Variants in DMD observed in about 807,000 individuals in gnomAD.
DMD encodes mutant dystrophin.
In DMD, 63 loss-of-function variants were observed where a neutral mutation model predicts 330.1. That is an observed-to-expected ratio of 0.19 (90% confidence interval 0.16 to 0.24). DMD has a LOEUF of 0.24. DMD is among the 10% of genes least tolerant of loss of function. The probability of loss-of-function intolerance (pLI) is 1.00; values close to 1 mark genes in which losing one functional copy is unlikely to be tolerated. For synonymous variants in DMD, 1,223 were observed against 959.8 expected, an observed-to-expected ratio of 1.27 and a Z score of -5.07; for missense variants, 3,344 against 2,684.1, an observed-to-expected ratio of 1.25 and a Z score of -5.43.
intron 27 of DMD, among the ~76,000 whole-genome samples, chrX:32,443,860 T>A (rs955083155): frequency 1.8e-5 from 2 of 111,538 alleles, no homozygotes; most frequent in Non-Finnish European, 3.8e-5. Context: ...CTGTTCAAAA[T>A]AGTAGATGGA....
intron 2 of DMD, among the ~76,000 whole-genome samples, chrX:32,876,386 T>C (rs1198874983): frequency 8.9e-6 from 1 of 112,239 alleles, no homozygotes; most frequent in Non-Finnish European, 1.9e-5. Context: ...GTTATTTTCC[T>C]AAACCGTTCT....
At chrX:32,800,377 TA>T (rs200111380) in intron 7 of DMD, among the ~76,000 whole-genome samples, 1,345 of 111,553 alleles carry the variant, frequency 0.012, 16 homozygotes, top group African/African-American at 0.042. Context: ...TAAAAATTCT[TA>T]TGAGTTATTA....
chrX:31,991,070 G>A (rs950009441), intron 44 of DMD, among the ~76,000 whole-genome samples: 2 of 111,508 alleles, frequency 1.8e-5, no homozygotes, highest in Non-Finnish European at 3.8e-5. Flanking sequence ...GATAAGACAT[G>A]GTTGATGAGA....
intron 45 of DMD, among the ~76,000 whole-genome samples, chrX:31,954,935 G>C (rs2095227924): frequency 9.3e-6 from 1 of 107,193 alleles, no homozygotes; most frequent in African/African-American, 3.4e-5. Flanking sequence ...GGGAGGCTGA[G>C]GTGGGTGGAT....
chrX:31,658,190 G>T (rs1366843112), intron 53 of DMD, 46 bp from the exon 54 acceptor site: 1 of 1,174,562 alleles, frequency 8.5e-7, no homozygotes, highest in African/African-American at 1.8e-5. Flanking sequence ...TTTTTTTTAT[G>T]AAATCTCTAG....
At chrX:32,731,673 G>T (rs972643591) in intron 7 of DMD, among the ~76,000 whole-genome samples, 1 of 111,592 alleles carries the variant, frequency 9.0e-6, no homozygotes, top group Non-Finnish European at 1.9e-5. Flanking sequence ...ACACGGCAGG[G>T]TACTCCAACA....
chrX:32,215,186 G>C (rs1366433603), intron 44 of DMD, among the ~76,000 whole-genome samples: 1 of 111,550 alleles, frequency 9.0e-6, no homozygotes, highest in African/African-American at 3.3e-5. Flanking sequence ...ACAAATTACA[G>C]AGAAAAGAGA....
intron 29 of DMD, among the ~76,000 whole-genome samples, chrX:32,427,335 A>G (rs1041098473): frequency 8.1e-5 from 9 of 111,566 alleles, no homozygotes; most frequent in African/African-American, 2.9e-4. Context: ...AGAAAAATAC[A>G]CAATAGAAGG....
intron 3 of DMD, among the ~76,000 whole-genome samples, chrX:32,848,852 G>T (rs2080900637): frequency 9.0e-6 from 1 of 111,421 alleles, no homozygotes; most frequent in Non-Finnish European, 1.9e-5. Context: ...AAAACCCAGA[G>T]ATATCTGACA....
chrX:31,558,825 T>G (rs940944942), intron 55 of DMD, among the ~76,000 whole-genome samples: 5 of 110,946 alleles, frequency 4.5e-5, no homozygotes, highest in African/African-American at 1.6e-4. Flanking sequence ...CTTGAAAGGG[T>G]CAAGTAGAAT....
At chrX:33,117,065 T>C (rs1949206153) in intron 1 of DMD, among the ~76,000 whole-genome samples, 1 of 47,730 alleles carries the variant, frequency 2.1e-5, no homozygotes, top group Non-Finnish European at 3.9e-5. Flanking sequence ...CAGGCCACAT[T>C]ATATATATAT....
At chrX:32,442,688 C>G (rs1397540259) in intron 27 of DMD, among the ~76,000 whole-genome samples, 1 of 110,480 alleles carries the variant, frequency 9.1e-6, no homozygotes, top group East Asian at 2.8e-4. Context: ...GATAACAAGA[C>G]TGTTACAACA....
At chrX:33,134,683 C>A (rs1339635551) in intron 1 of DMD, among the ~76,000 whole-genome samples, 1 of 112,021 alleles carries the variant, frequency 8.9e-6, no homozygotes, top group East Asian at 2.8e-4. Context: ...ACACATAGAT[C>A]AAAAACATCA....
intron 13 of DMD, 102 bp from the exon 14 acceptor site, chrX:32,573,948 T>C (rs554469407): frequency 1.9e-5 from 12 of 638,761 alleles, no homozygotes; most frequent in African/African-American, 1.1e-4. Flanking sequence ...GTCTCCTATG[T>C]ACGCTAGAAG....
intron 33 of DMD, among the ~76,000 whole-genome samples, chrX:32,381,503 T>C (rs2097924405): frequency 9.0e-6 from 1 of 111,269 alleles, no homozygotes; most frequent in Non-Finnish European, 1.9e-5. Context: ...AGCATCTCTT[T>C]CTACTAAAGG....
chrX:31,300,099 T>C (rs945325139), intron 62 of DMD, among the ~76,000 whole-genome samples: 1 of 112,246 alleles, frequency 8.9e-6, no homozygotes, highest in Admixed American at 9.4e-5. Context: ...TTTAAATTTG[T>C]TTCCACATGG....
chrX:32,731,390 T>G (rs908189862), intron 7 of DMD, among the ~76,000 whole-genome samples: 28 of 112,240 alleles, frequency 2.5e-4, no homozygotes, highest in Non-Finnish European at 5.1e-4. Flanking sequence ...CTGGGAAGCT[T>G]GAACTGGGTG....
intron 1 of DMD, among the ~76,000 whole-genome samples, chrX:33,135,827 T>C (rs2095523435): frequency 1.8e-5 from 2 of 112,316 alleles, no homozygotes; most frequent in Admixed American, 1.9e-4. Context: ...ATATTTAACA[T>C]ATAAGGTAAT....
chrX:32,294,160 T>C (rs901707286), intron 42 of DMD, among the ~76,000 whole-genome samples: 8 of 112,187 alleles, frequency 7.1e-5, no homozygotes, highest in Admixed American at 2.9e-4. Context: ...CCATCATTCT[T>C]GCTTGGCTGC....
Sources: gnomAD v4.1 joint callset for allele counts (sites outside exome capture counted in the v4.1 genomes callset) on GRCh38, gnomAD v4.1.1 for gene constraint, MANE v1.5 for transcripts, NCBI Gene and HGNC (gene_info 2026-07-23, HGNC 2026-07-21) for gene names.